Variants in GABBR2 observed in about 807,000 individuals in gnomAD.
GABBR2 encodes the protein G-protein coupled receptor 51.
GABBR2 carries 23 observed loss-of-function variants against 105.6 expected under a neutral mutation model. That is an observed-to-expected ratio of 0.22 (90% CI 0.16 to 0.31). The LOEUF is 0.31. Ranked by LOEUF, GABBR2 falls within the 10% of genes least tolerant of loss-of-function variation. GABBR2 has a pLI of 1.00. For missense variants in GABBR2, 734 were observed against 1,245.5 expected (o/e 0.59, Z 6.18); for synonymous variants, 478 against 499.7 (o/e 0.96, Z 0.58).
At chr9:98,510,871 C>A (rs1378503689) in intron 3 of GABBR2, among the ~76,000 whole-genome samples, 1 of 151,514 alleles carries the variant, frequency 6.6e-6, no homozygotes, top group Non-Finnish European at 1.5e-5. Context: ...ACGAGGATAC[C>A]CAGGACTTGA....
At chr9:98,412,255 C>A (rs185849959) in intron 7 of GABBR2, among the ~76,000 whole-genome samples, 1 of 152,360 alleles carries the variant, frequency 6.6e-6, no homozygotes. Flanking sequence ...TGAGTGAAGA[C>A]TCGCTGGGCT....
chr9:98,303,902 A>G (rs1830509672), intron 15 of GABBR2, among the ~76,000 whole-genome samples: 1 of 152,252 alleles, frequency 6.6e-6, no homozygotes, highest in Non-Finnish European at 1.5e-5. Context: ...TAGCAGCTTA[A>G]AACAACACAT....
chr9:98,525,729 C>G (rs1827943651), intron 3 of GABBR2, among the ~76,000 whole-genome samples: 1 of 152,128 alleles, frequency 6.6e-6, no homozygotes, highest in Non-Finnish European at 1.5e-5. Context: ...GTTCATGGCA[C>G]CATTATTCAT....
chr9:98,497,173 G>A (rs900250963), intron 3 of GABBR2, among the ~76,000 whole-genome samples: 2 of 152,172 alleles, frequency 1.3e-5, no homozygotes, highest in South Asian at 2.1e-4. Flanking sequence ...AGGCCAAGAC[G>A]GGGGGCTTGC....
chr9:98,436,280 C>CAT (rs56768409), intron 7 of GABBR2, among the ~76,000 whole-genome samples: 18,286 of 53,816 alleles, frequency 0.34, 4,192 homozygotes, highest in Non-Finnish European at 0.39. Context: ...CAACAACAAC[C>CAT]ATATATATAT....
intron 13 of GABBR2, among the ~76,000 whole-genome samples, chr9:98,326,332 A>C (rs757486966): frequency 6.6e-6 from 1 of 152,228 alleles, no homozygotes; most frequent in African/African-American, 2.4e-5. Flanking sequence ...AATCCCATGC[A>C]AGGTAGGACA....
chr9:98,647,179 A>C (rs143316721), intron 1 of GABBR2, among the ~76,000 whole-genome samples: 175 of 152,320 alleles, frequency 1.1e-3, no homozygotes, highest in African/African-American at 4.0e-3. Flanking sequence ...TGTGCTATAG[A>C]GCTCACCTCT....
intron 11 of GABBR2, among the ~76,000 whole-genome samples, chr9:98,385,159 T>C (rs1249003432): frequency 6.6e-6 from 1 of 152,214 alleles, no homozygotes; most frequent in Non-Finnish European, 1.5e-5. Flanking sequence ...TCTATGTTAC[T>C]CTGTCAATTC....
chr9:98,433,172 C>A (rs55906726), intron 7 of GABBR2, among the ~76,000 whole-genome samples: 10,570 of 152,266 alleles, frequency 0.069, 441 homozygotes, highest in South Asian at 0.14. Context: ...CTGTGTAAAG[C>A]ATTGCAGAGC....
At chr9:98,574,978 T>C (rs888881273) in intron 2 of GABBR2, among the ~76,000 whole-genome samples, 2 of 152,198 alleles carry the variant, frequency 1.3e-5, no homozygotes, top group East Asian at 3.8e-4. Context: ...TTGAGCAGAT[T>C]TCTAATGAAG....
At chr9:98,489,109 T>G (rs1342591933) in intron 4 of GABBR2, among the ~76,000 whole-genome samples, 2 of 152,228 alleles carry the variant, frequency 1.3e-5, no homozygotes, top group East Asian at 1.9e-4. Context: ...TTGTGGTAAA[T>G]GAATGTGTTC....
intron 10 of GABBR2, among the ~76,000 whole-genome samples, chr9:98,386,090 T>C (rs1416783800): frequency 6.6e-6 from 1 of 152,192 alleles, no homozygotes; most frequent in Non-Finnish European, 1.5e-5. Context: ...ACTATATATT[T>C]CTAATTGTTG....
intron 4 of GABBR2, among the ~76,000 whole-genome samples, chr9:98,487,344 G>A (rs1827078376): frequency 6.6e-6 from 1 of 152,098 alleles, no homozygotes; most frequent in Non-Finnish European, 1.5e-5. Flanking sequence ...AAAAAAGGGG[G>A]TCAATTCCCT....
At chr9:98,322,395 C>T (rs1436260465) in intron 13 of GABBR2, among the ~76,000 whole-genome samples, 1 of 152,116 alleles carries the variant, frequency 6.6e-6, no homozygotes, top group East Asian at 1.9e-4. Flanking sequence ...GAAGTTCTCT[C>T]CCCTTTGCCT....
chr9:98,684,616 T>C (rs1830597587), intron 1 of GABBR2, among the ~76,000 whole-genome samples: 1 of 152,188 alleles, frequency 6.6e-6, no homozygotes, highest in Non-Finnish European at 1.5e-5. Flanking sequence ...ATGATATCTA[T>C]CAATTCCTTG....
At position 98,496,479 on chromosome 9, in the gene GABBR2, C is replaced by G. The variant is rs778986684; in HGVS notation, c.666G>C (p.Glu222Asp). The change falls in exon 4 of 19, where the codon GAG (glutamate) becomes GAC (aspartate). Residue 222 changes from glutamate to aspartate, a missense_variant. Coordinates refer to ENST00000259455, the MANE Select transcript of GABBR2 (RefSeq NM_005458.8). ...TCTCGGTGTCTGAAATCTCAATGTC[C>G]TCGCCATACAGAACTCCAGTCAGGT... The part of the protein sequence containing the change: ...RNDLTGVLYG[E>D]DIEISDTESF... The G allele has an allele frequency of 6.2e-7, 1 of 1,612,978 alleles. No individual in the cohort carries two copies. The highest frequency in any genetic ancestry group is 1.1e-5 in the South Asian group (1 of 91,038).
chr9:98,699,003 A>G (rs1225499227), intron 1 of GABBR2, among the ~76,000 whole-genome samples: 5 of 152,234 alleles, frequency 3.3e-5, no homozygotes, highest in East Asian at 1.9e-4. Context: ...TTTTCTCACT[A>G]TGCCCAGATC....
chr9:98,499,929 T>C (rs1042716171), intron 3 of GABBR2, among the ~76,000 whole-genome samples: 1 of 152,188 alleles, frequency 6.6e-6, no homozygotes, highest in Non-Finnish European at 1.5e-5. Flanking sequence ...GGCACGTGCC[T>C]GTAATCCCAG....
rs145623266 is a variant in GABBR2 at position 98,496,971 on chromosome 9, G to T, written c.631-457C>A. Among the ~76,000 whole-genome samples, 13 of 152,344 alleles carry T rather than the reference G, an allele frequency of 8.5e-5. No individual in the cohort carries two copies. The East Asian group carries it at 2.1e-3, about 25-fold the overall frequency. ...GAAAGAGGAAAGAAGTATGGAACCT[G>T]CCTATGATGTTACACGTAACTATGT... On this transcript the variant is annotated intron_variant, in intron 3 of 18. Transcript: ENST00000259455.
Sources: gnomAD v4.1 joint callset for allele counts (sites outside exome capture counted in the v4.1 genomes callset) on GRCh38, gnomAD v4.1.1 for gene constraint, MANE v1.5 for transcripts, NCBI Gene and HGNC (gene_info 2026-07-23, HGNC 2026-07-21) for gene names.